Variants in TRPC4AP observed in about 807,000 individuals in gnomAD.
TRPC4AP encodes short transient receptor potential channel 4-associated protein.
A neutral mutation model predicts 99.0 loss-of-function variants in TRPC4AP; 45 were observed. That is an observed-to-expected ratio of 0.45 (90% CI 0.36 to 0.58). The LOEUF is 0.58. TRPC4AP is among the 20% of genes least tolerant of loss of function. The pLI is 0.00. For synonymous variants in TRPC4AP, 408 were observed against 385.8 expected, an observed-to-expected ratio of 1.06 and a Z score of -0.67; for missense variants, 879 against 985.3, an observed-to-expected ratio of 0.89 and a Z score of 1.44.
chr20:35,014,824 G>A (rs1370496993), intron 10 of TRPC4AP, among the ~76,000 whole-genome samples: 1 of 152,144 alleles, frequency 6.6e-6, no homozygotes, highest in Non-Finnish European at 1.5e-5. Context: ...CGACTAGCCG[G>A]GGGGCCAATA....
At chr20:35,034,859 G>A (rs144891524) in intron 8 of TRPC4AP, among the ~76,000 whole-genome samples, 1,942 of 152,268 alleles carry the variant, frequency 0.013, 30 homozygotes, top group African/African-American at 0.044. Flanking sequence ...TCTGGTTACT[G>A]GTTCTTGTTA....
At chr20:35,059,397 T>C (rs1210088872) in intron 3 of TRPC4AP, among the ~76,000 whole-genome samples, 1 of 152,224 alleles carries the variant, frequency 6.6e-6, no homozygotes, top group African/African-American at 2.4e-5. Flanking sequence ...TGGTTGTTCA[T>C]GCCTGTAATC....
At chr20:35,057,184 T>A (rs1201725267) in intron 4 of TRPC4AP, among the ~76,000 whole-genome samples, 6 of 152,094 alleles carry the variant, frequency 3.9e-5, no homozygotes, top group African/African-American at 1.4e-4. Flanking sequence ...CTAAAAAAAA[T>A]AGTTTAAAAA....
intron 6 of TRPC4AP, among the ~76,000 whole-genome samples, chr20:35,046,548 A>G (rs1244548957): frequency 6.6e-6 from 1 of 152,178 alleles, no homozygotes; most frequent in Non-Finnish European, 1.5e-5. Flanking sequence ...CTGAGACTCA[A>G]TGCACAGGAC....
chr20:35,038,412 C>G (rs368412846), intron 7 of TRPC4AP, among the ~76,000 whole-genome samples: 1 of 151,724 alleles, frequency 6.6e-6, no homozygotes, highest in African/African-American at 2.4e-5. Flanking sequence ...TCAACACTTA[C>G]CAATTTCCAT....
At chr20:35,044,381 C>T (rs1383700925) in intron 7 of TRPC4AP, 124 bp downstream of exon 7, 86 of 957,866 alleles carry the variant, frequency 9.0e-5, no homozygotes, top group African/African-American at 1.5e-4. Flanking sequence ...GACATAGTGA[C>T]GATCCCATCT....
At chr20:35,058,267 G>A (rs2083890593) in intron 3 of TRPC4AP, among the ~76,000 whole-genome samples, 1 of 152,206 alleles carries the variant, frequency 6.6e-6, no homozygotes, top group Non-Finnish European at 1.5e-5. Flanking sequence ...AGGCAGACGA[G>A]CAAAGAAATA....
At chr20:35,014,348 C>T (rs1255269189) in intron 10 of TRPC4AP, among the ~76,000 whole-genome samples, 1 of 117,592 alleles carries the variant, frequency 8.5e-6, no homozygotes, top group Non-Finnish European at 1.6e-5. Flanking sequence ...GACACAGTCT[C>T]ACTCTGTTGC....
chr20:35,037,346 CAAAAAAAAAAAA>C (rs71196778), intron 7 of TRPC4AP, among the ~76,000 whole-genome samples: 1 of 78,964 alleles, frequency 1.3e-5, no homozygotes, highest in Non-Finnish European at 2.4e-5. Flanking sequence ...GACTCTGTCT[CAAAAAAAAAAAA>C]AAAAAAAAAA....
intron 2 of TRPC4AP, among the ~76,000 whole-genome samples, chr20:35,073,880 C>T (rs2084394650): frequency 6.6e-6 from 1 of 152,170 alleles, no homozygotes; most frequent in South Asian, 2.1e-4. Context: ...TAGAATTCGG[C>T]TGTGAATCCG....
intron 7 of TRPC4AP, among the ~76,000 whole-genome samples, chr20:35,044,251 T>C (rs1229083342): frequency 6.7e-6 from 1 of 150,240 alleles, no homozygotes; most frequent in Non-Finnish European, 1.5e-5. Context: ...ATTAGCCCGG[T>C]GTGGTGGCAC....
intron 8 of TRPC4AP, among the ~76,000 whole-genome samples, chr20:35,032,763 C>G (rs1468821934): frequency 2.0e-5 from 3 of 152,176 alleles, no homozygotes; most frequent in Admixed American, 2.0e-4. Context: ...TGAGCCAACG[C>G]GCCCAGCCCT....
At chr20:35,079,178 G>C (rs192042327) in intron 1 of TRPC4AP, among the ~76,000 whole-genome samples, 6 of 152,062 alleles carry the variant, frequency 3.9e-5, no homozygotes, top group Admixed American at 3.9e-4. Flanking sequence ...AAATAAAGTG[G>C]GTCATTTCAT....
chr20:35,081,741 C>T (rs1388147630), intron 1 of TRPC4AP, among the ~76,000 whole-genome samples: 1 of 152,026 alleles, frequency 6.6e-6, no homozygotes, highest in African/African-American at 2.4e-5. Context: ...AATCCCAGCA[C>T]TCTGGGAGAC....
intron 3 of TRPC4AP, among the ~76,000 whole-genome samples, chr20:35,057,773 T>C (rs2145962503): frequency 6.6e-6 from 1 of 152,320 alleles, no homozygotes; most frequent in South Asian, 2.1e-4. Flanking sequence ...GGCCACCTAC[T>C]TGCCCTTCTC....
intron 2 of TRPC4AP, among the ~76,000 whole-genome samples, chr20:35,072,616 G>A (rs569038170): frequency 3.5e-4 from 53 of 152,182 alleles, no homozygotes; most frequent in African/African-American, 1.1e-3. Flanking sequence ...ATTTCTGAGG[G>A]CTCTGTTCTG....
chr20:35,036,371 G>T (rs2083317081), intron 7 of TRPC4AP, among the ~76,000 whole-genome samples: 1 of 152,182 alleles, frequency 6.6e-6, no homozygotes, highest in Admixed American at 6.5e-5. Flanking sequence ...GTCACTGAGA[G>T]TAACAGTGGA....
In TRPC4AP at chr20:35,086,571, GTGTGTA is replaced by G. The variant is rs1242948097; in HGVS notation, c.168+6037_168+6042del. The stretch of plus-strand genomic sequence containing the variant: ...TGTGTGTGTGTGTGTGTGTGTGTGT[GTGTGTA>G]TATATATATGAATAAGACTTTATCC... On this transcript the variant is annotated intron_variant, in intron 1 of 18. Coordinates refer to ENST00000252015, the MANE Select transcript of TRPC4AP (RefSeq NM_015638.3). Among the ~76,000 whole-genome samples, 113 of 59,762 alleles carry G rather than the reference GTGTGTA, an allele frequency of 1.9e-3. 6 individuals carry two copies. The highest frequency in any genetic ancestry group is 0.01 in the East Asian group (15 of 1,468). 39.2% of individuals were successfully genotyped at this position (59,762 alleles called of 152,430 possible).
At chr20:35,076,812 C>A (rs2084491218) in intron 2 of TRPC4AP, among the ~76,000 whole-genome samples, 1 of 152,198 alleles carries the variant, frequency 6.6e-6, no homozygotes. Context: ...GACATTTAAA[C>A]CTGCAGAAGT....
Sources: allele counts gnomAD v4.1 joint callset (sites outside exome capture counted in the v4.1 genomes callset), GRCh38; gene constraint gnomAD v4.1.1; transcripts MANE v1.5; gene names NCBI Gene and HGNC (gene_info 2026-07-23, HGNC 2026-07-21).